Variants in PLEKHJ1 observed in about 807,000 individuals in gnomAD.
The protein encoded by PLEKHJ1 is pleckstrin homology domain-containing family J member 1.
A neutral mutation model predicts 21.7 loss-of-function variants in PLEKHJ1; 20 were observed. That is an observed-to-expected ratio of 0.92 (90% CI 0.65 to 1.34). The LOEUF (loss-of-function observed/expected upper bound fraction) is 1.34. Among genes scored for constraint, PLEKHJ1 ranks in the 40% most tolerant of loss-of-function variants. PLEKHJ1 has a pLI of 0.00. For missense variants in PLEKHJ1, 241 were observed against 202.0 expected, an observed-to-expected ratio of 1.19 and a Z score of -1.17; for synonymous variants, 113 against 80.6, an observed-to-expected ratio of 1.40 and a Z score of -2.15.
downstream of PLEKHJ1, among the ~76,000 whole-genome samples, chr19:2,232,922 C>T (rs542348071): frequency 6.6e-6 from 1 of 152,188 alleles, no homozygotes; most frequent in Non-Finnish European, 1.5e-5. Flanking sequence ...CGGGAGGGCC[C>T]GTGAATGCCA....
chr19:2,231,700 C>T (rs1036994031), downstream of PLEKHJ1: 4 of 213,658 alleles, frequency 1.9e-5, no homozygotes, highest in Admixed American at 1.2e-4. Context: ...CGCCACGGGC[C>T]GGATACGCCA....
Position 2,234,174 on chromosome 19 carries a change from C to T in PLEKHJ1, c.296G>A (p.Trp99Ter). Residue 99 changes from tryptophan to a stop codon, truncating the protein, a stop_gained, in exon 4 of 6, where the codon TGG (tryptophan) becomes TAG (stop). Transcript: ENST00000326631. LOFTEE classifies it high-confidence loss of function. The stretch of plus-strand genomic sequence containing the variant: ...CCTGGCCCGACGCAGAGCCTCCATC[C>T]ACTCCTGACACTGCTCCTCGCTGCT... ...ECSSEEQCQE[W>*]MEALRRASYE... The T allele has an allele frequency of 1.2e-6, 2 of 1,612,984 alleles. No individual in the cohort carries two copies. Among genetic ancestry groups the T allele is most frequent in the Non-Finnish European group, 1.7e-6 (2 of 1,180,006 alleles).
In PLEKHJ1 at chr19:2,234,039, G is replaced by A. The variant is rs746364344; in HGVS notation, c.343C>T (p.Leu115Phe). The A allele has an allele frequency of 1.2e-6, 2 of 1,613,530 alleles. No homozygotes were observed. Among genetic ancestry groups the A allele is most frequent in the Non-Finnish European group, 8.5e-7 (1 of 1,180,006 alleles). The part of the protein sequence containing the change: ...RASYEFMRRS[L>F]IFYRNEIRKV... ...CGGATTTCGTTCCTGTAGAAGATGA[G>A]GCTTCTCCGCATGAACTCGTAGCTG... is the stretch of plus-strand genomic sequence containing the variant. Residue 115 changes from leucine to phenylalanine, a missense_variant, in exon 5 of 6, where the codon CTC becomes TTC. By Grantham distance (22) the Leu-to-Phe change is conservative. Coordinates refer to ENST00000326631, the MANE Select transcript of PLEKHJ1 (RefSeq NM_018049.3).
rs538943394 is a variant in PLEKHJ1, at chr19:2,235,397, C to T, written c.229+365G>A. On this transcript the variant is annotated intron_variant, in intron 3 of 5. Transcript: ENST00000326631. ...CACCCCCCTCTCACTCCTCCTACCC[C>T]CACCTGGGATTTCCAGCCCGGGGCC... is the stretch of plus-strand genomic sequence containing the variant. 6 of 246,910 alleles carry T rather than the reference C, an allele frequency of 2.4e-5. No individual in the cohort carries two copies. The East Asian group carries it at 4.0e-4, about 16-fold the overall frequency. 15.3% of individuals were successfully genotyped at this position (246,910 alleles called of 1,614,324 possible).
chr19:2,230,611 T>C, downstream of PLEKHJ1: 1 of 398,668 alleles, frequency 2.5e-6, no homozygotes, highest in Non-Finnish European at 4.4e-6. Context: ...CCCTTGGTGT[T>C]TCTGTACAGG....
Position 2,233,559 on chromosome 19 carries a change from C to A in PLEKHJ1, c.*281G>T. 1.9e-6 allele frequency: 1 copy of A among 528,254 alleles called. No individual in the cohort carries two copies. Among genetic ancestry groups the A allele is most frequent in the Non-Finnish European group, 3.4e-6 (1 of 298,412 alleles). The allele number at this position is 528,254 out of a possible 1,614,324, so 32.7% of individuals were successfully genotyped here. A position where few individuals can be genotyped will look rare whatever the true frequency, so the allele number is the denominator to read the frequency against. On this transcript the variant is annotated 3_prime_UTR_variant, in exon 6 of 6. Transcript: ENST00000326631. ...GCTTCAGGCTTTGGATGTCTCCAAA[C>A]CAAAAACCTCCCACTGAAAATCCAG...
At chr19:2,234,308 T>A in intron 3 of PLEKHJ1, 68 bp from the exon 4 acceptor site, 1 of 1,213,016 alleles carries the variant, frequency 8.2e-7, no homozygotes, top group Non-Finnish European at 1.2e-6. Flanking sequence ...CCATTGCCCA[T>A]AAACTGTCCC....
intron 3 of PLEKHJ1, chr19:2,234,559 A>C: frequency 1.7e-5 from 5 of 294,960 alleles, no homozygotes; most frequent in Admixed American, 4.9e-5. Context: ...AAAAACAAAA[A>C]TTAGCCAGGT....
chr19:2,236,304 A>G lies in PLEKHJ1; in HGVS notation c.-56T>C. ...GCCCTCCCGGCCGCCGTCCCCGCTCAGGCTGGGGCCGGCGCCAAAAATGTC... is the reference window on the plus strand; with the variant it reads ...GCCCTCCCGGCCGCCGTCCCCGCTCGGGCTGGGGCCGGCGCCAAAAATGTC... On this transcript the variant is annotated 5_prime_UTR_variant, in exon 1 of 6. Coordinates refer to ENST00000326631, the MANE Select transcript of PLEKHJ1 (RefSeq NM_018049.3). The G allele has an allele frequency of 8.7e-7, 1 of 1,151,698 alleles. No homozygotes were observed. Among genetic ancestry groups the G allele is most frequent in the Non-Finnish European group, 1.1e-6 (1 of 884,890 alleles). 71.3% of individuals were successfully genotyped at this position (1,151,698 alleles called of 1,614,324 possible).
At position 2,235,916 on chromosome 19, in the gene PLEKHJ1, C is replaced by A. The variant is rs1166260705; in HGVS notation, c.162+7G>T. On this transcript the variant is annotated splice_region_variant and intron_variant, in intron 2 of 5. Coordinates refer to ENST00000326631, the MANE Select transcript of PLEKHJ1 (RefSeq NM_018049.3). Reference sequence around the variant, plus strand: ...GGGACCCGCCCGCGCGCCCGGGACGCCCCTACCTCGGCCTCGTCTGTCCGA... The same window carrying A: ...GGGACCCGCCCGCGCGCCCGGGACGACCCTACCTCGGCCTCGTCTGTCCGA... 2 of 1,608,794 alleles carry A rather than the reference C, an allele frequency of 1.2e-6. No homozygotes were observed. Among genetic ancestry groups the A allele is most frequent in the African/African-American group, 1.3e-5 (1 of 74,782 alleles).
At chr19:2,230,216 G>A (rs536517422), downstream of PLEKHJ1, 3 of 418,618 alleles carry the variant, frequency 7.2e-6, no homozygotes, top group African/African-American at 2.1e-5. Context: ...CTGACTAGAC[G>A]CTGACAACGC....
Position 2,234,006 on chromosome 19 carries a change from T to A in PLEKHJ1, c.376A>T (p.Thr126Ser). 4 of 1,613,252 alleles carry A rather than the reference T, an allele frequency of 2.5e-6. No individual in the cohort carries two copies. The highest frequency in any genetic ancestry group is 3.4e-6 in the Non-Finnish European group (4 of 1,179,952). ...TGCAGCCCTGCACACACCTTGCCCG[T>A]CACCTTCCGGATTTCGTTCCTGTAG... is the stretch of plus-strand genomic sequence containing the variant. ...IFYRNEIRKV[T>S]GKDPLEQFGI... Residue 126 changes from threonine to serine, a missense_variant, in exon 5 of 6, where the codon ACG becomes TCG. Physicochemically the swap from Thr to Ser is moderately conservative, Grantham distance 58. Transcript: ENST00000326631.
At chr19:2,231,859 C>T (rs931298345), downstream of PLEKHJ1, 24 of 219,790 alleles carry the variant, frequency 1.1e-4, no homozygotes, top group East Asian at 4.0e-4. Flanking sequence ...CTCCTGCCCA[C>T]GCAGGCCACC....
chr19:2,230,770 C>G (rs1292706389), downstream of PLEKHJ1: 1 of 395,662 alleles, frequency 2.5e-6, no homozygotes, highest in Non-Finnish European at 4.4e-6. Flanking sequence ...TTTATTCAAA[C>G]AGTGCACAAA....
chr19:2,233,885 G>A lies in PLEKHJ1; in HGVS notation c.405C>T (p.Gly135=), dbSNP rs1568383912. 6.2e-7 allele frequency: 1 copy of A among 1,612,500 alleles called. No individual in the cohort carries two copies. Among genetic ancestry groups the A allele is most frequent in the Non-Finnish European group, 8.5e-7 (1 of 1,179,840 alleles). ...VTGKDPLEQF[G]ISEEARFQLS... ...GCTGGAACCTGGCCTCCTCGGATAT[G>A]CCGAACTGTTCCAGGGGGTCCTGTG... The change falls in exon 6 of 6, where the codon GGC becomes GGT. Residue 135 remains glycine (G), a synonymous_variant. Coordinates refer to ENST00000326631, the MANE Select transcript of PLEKHJ1 (RefSeq NM_018049.3).
At chr19:2,230,353 C>G (rs1470427379), downstream of PLEKHJ1, 5 of 412,424 alleles carry the variant, frequency 1.2e-5, no homozygotes, top group Non-Finnish European at 1.7e-5. Context: ...TCCTGAGCGC[C>G]CTGGCGCCTG....
chr19:2,230,307 A>T, downstream of PLEKHJ1: 1 of 414,834 alleles, frequency 2.4e-6, no homozygotes, highest in Non-Finnish European at 4.2e-6. Context: ...CGTCGCCACC[A>T]CATTCCTCGG....
chr19:2,233,972 C>T (rs1417015121), intron 5 of PLEKHJ1, 26 bp downstream of exon 5: 1 of 1,612,056 alleles, frequency 6.2e-7, no homozygotes, highest in Admixed American at 1.7e-5. Flanking sequence ...CAGCCCCACC[C>T]CGGCCCTCTG....
chr19:2,229,999 A>G, downstream of PLEKHJ1: 1 of 761,484 alleles, frequency 1.3e-6, no homozygotes, highest in Non-Finnish European at 2.1e-6. Context: ...TAAAGTATTT[A>G]TCATTTTTTA....
Sources: gnomAD v4.1 joint callset for allele counts (sites outside exome capture counted in the v4.1 genomes callset) on GRCh38, gnomAD v4.1.1 for gene constraint, MANE v1.5 for transcripts, NCBI Gene and HGNC (gene_info 2026-07-23, HGNC 2026-07-21) for gene names.